RANBP10: variants seen among roughly 807,000 people sequenced by gnomAD.
RANBP10 encodes the protein RAN binding protein 10.
RANBP10 carries 24 observed loss-of-function variants against 72.8 expected under a neutral mutation model. That is an observed-to-expected ratio of 0.33 (90% CI 0.24 to 0.46). The LOEUF is 0.46. Ranked by LOEUF, RANBP10 falls within the 20% of genes least tolerant of loss-of-function variation. RANBP10 has a pLI of 1.00. For missense variants in RANBP10, 679 were observed against 817.5 expected (o/e 0.83, Z 2.07); for synonymous variants, 310 against 322.3 (o/e 0.96, Z 0.41).
intron 2 of RANBP10, among the ~76,000 whole-genome samples, chr16:67,791,802 AAAC>A (rs2055033279): frequency 6.6e-6 from 1 of 152,312 alleles, no homozygotes; most frequent in African/African-American, 2.4e-5. Context: ...GGTTCAGGAA[AAAC>A]AACAACTGAT....
chr16:67,729,198 C>T lies in RANBP10; in HGVS notation c.1352+82G>A. 6.4e-7 allele frequency: 1 copy of T among 1,557,546 alleles called. No individual in the cohort carries two copies. The highest frequency in any genetic ancestry group is 1.2e-5 in the South Asian group (1 of 81,486). On this transcript the variant is annotated intron_variant, in intron 10 of 13. Transcript: ENST00000317506. The surrounding 1 kb of genome is among the most constrained non-coding windows in gnomAD (Gnocchi z 7.1). ...TGAGATGGAGGCTGGGGGTGAAGGG[C>T]AGGGCGCTCAAAGGACAGACTGCAA...
chr16:67,792,955 G>C (rs2055055966), intron 2 of RANBP10, among the ~76,000 whole-genome samples: 1 of 151,906 alleles, frequency 6.6e-6, no homozygotes. Context: ...AGCCCCTATT[G>C]GTGGCCCTAG....
intron 3 of RANBP10, among the ~76,000 whole-genome samples, chr16:67,762,219 T>A (rs537059926): frequency 6.6e-6 from 1 of 152,252 alleles, no homozygotes; most frequent in South Asian, 2.1e-4. Flanking sequence ...GGAGCTATGA[T>A]CATGCTACTG....
intron 2 of RANBP10, among the ~76,000 whole-genome samples, chr16:67,777,427 G>A (rs553005069): frequency 2.7e-5 from 4 of 150,814 alleles, no homozygotes; most frequent in South Asian, 2.1e-4. Context: ...TCCCAGCTAC[G>A]GGGGAGGCTG....
At chr16:67,769,245 G>A (rs1201888920) in intron 3 of RANBP10, among the ~76,000 whole-genome samples, 1 of 151,510 alleles carries the variant, frequency 6.6e-6, no homozygotes, top group African/African-American at 2.4e-5. Flanking sequence ...AGTTCTAGAC[G>A]AGTCTGGGCA....
At chr16:67,781,129 G>A (rs964963869) in intron 2 of RANBP10, among the ~76,000 whole-genome samples, 3 of 152,248 alleles carry the variant, frequency 2.0e-5, no homozygotes, top group East Asian at 1.9e-4. Flanking sequence ...GCACCTGAGC[G>A]CAGTGCCGGA....
At chr16:67,798,518 G>T (rs1414000732) in intron 2 of RANBP10, among the ~76,000 whole-genome samples, 4 of 152,124 alleles carry the variant, frequency 2.6e-5, no homozygotes, top group African/African-American at 9.7e-5. Context: ...GGCTGATTCT[G>T]GCTCACCAGA....
At chr16:67,748,224 A>G (rs192106975) in intron 3 of RANBP10, among the ~76,000 whole-genome samples, 1 of 151,850 alleles carries the variant, frequency 6.6e-6, no homozygotes, top group African/African-American at 2.4e-5. Flanking sequence ...TAGCTTAACA[A>G]TACTAATTAT....
intron 4 of RANBP10, among the ~76,000 whole-genome samples, chr16:67,743,923 C>G (rs1423492680): frequency 6.6e-6 from 1 of 152,218 alleles, no homozygotes; most frequent in Admixed American, 6.5e-5. Flanking sequence ...GCAACCAGCA[C>G]CAAAGTCTGG....
At chr16:67,737,521 T>C (rs2053877660) in intron 5 of RANBP10, among the ~76,000 whole-genome samples, 1 of 152,008 alleles carries the variant, frequency 6.6e-6, no homozygotes, top group African/African-American at 2.4e-5. Flanking sequence ...CATCCTTTTC[T>C]AAGAAGAGAA....
chr16:67,773,636 G>C (rs747567235), intron 2 of RANBP10, among the ~76,000 whole-genome samples: 5 of 152,046 alleles, frequency 3.3e-5, no homozygotes, highest in Non-Finnish European at 5.9e-5. Context: ...ATGCTGGGCA[G>C]GAACAAGGAA....
intron 2 of RANBP10, among the ~76,000 whole-genome samples, chr16:67,803,484 C>G (rs2055272796): frequency 6.6e-6 from 1 of 151,974 alleles, no homozygotes; most frequent in Non-Finnish European, 1.5e-5. Context: ...AACCCCATCT[C>G]TACTAAAAAT....
chr16:67,749,066 T>C (rs1359792955), intron 3 of RANBP10, among the ~76,000 whole-genome samples: 1 of 152,000 alleles, frequency 6.6e-6, no homozygotes, highest in Non-Finnish European at 1.5e-5. Context: ...TGTACGTGAA[T>C]AGGCGAGGGC....
At chr16:67,806,242 C>A (rs1443765182) in intron 1 of RANBP10, 60 bp downstream of exon 1, 2 of 1,468,144 alleles carry the variant, frequency 1.4e-6, no homozygotes, top group Non-Finnish European at 1.8e-6. Flanking sequence ...GGGGGCCTGG[C>A]AGCAGAGCCA....
intron 13 of RANBP10, 85 bp from the exon 14 acceptor site, chr16:67,726,643 G>A (rs946585271): frequency 1.4e-6 from 2 of 1,423,266 alleles, no homozygotes; most frequent in Admixed American, 2.4e-5. Context: ...GAAGGAGGGG[G>A]CAGTGGACAG....
rs1744881995 is a variant in RANBP10 at position 67,728,396 on chromosome 16, T to C, written c.1468A>G (p.Ser490Gly). Residue 490 changes from serine to glycine, a missense_variant, in exon 11 of 14, where the codon AGC becomes GGC. Transcript: ENST00000317506. ...ACCGGGCCGTGGCTCTCACCCATGC[T>C]GGACTCATCCGTCTGCAGGTCCTCA... ...KHEDLQTDES[S>G]MDDRHPRRQL... 1 of 1,614,034 alleles carries C rather than the reference T, an allele frequency of 6.2e-7. No individual in the cohort carries two copies. Among genetic ancestry groups the C allele is most frequent in the African/African-American group, 1.3e-5 (1 of 74,942 alleles).
chr16:67,792,473 A>C (rs1308553432), intron 2 of RANBP10, among the ~76,000 whole-genome samples: 1 of 151,780 alleles, frequency 6.6e-6, no homozygotes, highest in Admixed American at 6.6e-5. Flanking sequence ...GAGGCAGGAG[A>C]ATGGCATGAA....
chr16:67,727,692 C>A (rs776230420), intron 12 of RANBP10, 59 bp downstream of exon 12: 185 of 1,610,212 alleles, frequency 1.1e-4, no homozygotes, highest in Non-Finnish European at 1.5e-4. Context: ...CTCCCAGAGC[C>A]ACCCTGCCCC....
At chr16:67,748,541 G>A (rs929397086) in intron 3 of RANBP10, among the ~76,000 whole-genome samples, 1 of 151,726 alleles carries the variant, frequency 6.6e-6, no homozygotes, top group Non-Finnish European at 1.5e-5. Flanking sequence ...AAAACAAAGT[G>A]CATGGTACTC....
Sources: gnomAD v4.1 joint callset for allele counts (sites outside exome capture counted in the v4.1 genomes callset) on GRCh38, gnomAD v4.1.1 for gene constraint, Gnocchi (gnomAD v3.1) non-coding constraint, MANE v1.5 for transcripts, NCBI Gene and HGNC (gene_info 2026-07-23, HGNC 2026-07-21) for gene names.